Variants in OSTM1 observed in about 807,000 individuals in gnomAD.
The protein encoded by OSTM1 is osteopetrosis-associated transmembrane protein 1.
In OSTM1, 26 loss-of-function variants were observed where a neutral mutation model predicts 35.4. The ratio of observed to expected loss-of-function variants is 0.73; its 90% CI spans 0.54 to 1.02. OSTM1 has a LOEUF of 1.02. OSTM1 is among the 50% of genes least tolerant of loss of function. OSTM1 has a pLI of 0.00. For missense variants in OSTM1, 366 were observed against 409.6 expected, an observed-to-expected ratio of 0.89 and a Z score of 0.92; for synonymous variants, 181 against 165.0, an observed-to-expected ratio of 1.10 and a Z score of -0.75.
At position 108,054,496 on chromosome 6, in the gene OSTM1, G is replaced by A. The variant is rs1401922356; in HGVS notation, c.609C>T (p.Asn203=). Residue 203 remains asparagine (N), a synonymous_variant, in exon 3 of 6, where the codon AAC becomes AAT. Transcript: ENST00000193322. ...AATATTATATATAAAATACCTGAAG[G>A]TTATGTTCAAAGCAGGTCAGGGTGT... ...FNHTLTCFEH[N]LQGNAHSLLQ... is the part of the protein sequence containing the mutation. 1 of 1,428,636 alleles carries A rather than the reference G, an allele frequency of 7.0e-7. No individual in the cohort carries two copies. Among genetic ancestry groups the A allele is most frequent in the Non-Finnish European group, 9.8e-7 (1 of 1,016,516 alleles). 88.5% of individuals were successfully genotyped at this position (1,428,636 alleles called of 1,614,324 possible). A position where few individuals can be genotyped will look rare whatever the true frequency, so the allele number is the denominator to read the frequency against.
chr6:108,061,774 C>T (rs1178394316), intron 2 of OSTM1, among the ~76,000 whole-genome samples: 1 of 151,878 alleles, frequency 6.6e-6, no homozygotes, highest in African/African-American at 2.4e-5. Flanking sequence ...AACTCCTGGG[C>T]TCAAGCAATA....
chr6:108,066,660 G>A (rs1229098023), intron 1 of OSTM1, among the ~76,000 whole-genome samples: 6 of 152,152 alleles, frequency 3.9e-5, no homozygotes, highest in Non-Finnish European at 7.3e-5. Flanking sequence ...GGGTTGAACA[G>A]GGAATGGAAG....
intron 2 of OSTM1, 56 bp from the exon 3 acceptor site, chr6:108,054,643 G>A: frequency 1.2e-6 from 1 of 814,628 alleles, no homozygotes; most frequent in East Asian, 2.6e-5. Flanking sequence ...ATTCTATGTT[G>A]TCATTTATAT....
intron 1 of OSTM1, among the ~76,000 whole-genome samples, chr6:108,066,465 T>C (rs1351831925): frequency 6.6e-6 from 1 of 152,074 alleles, no homozygotes; most frequent in Non-Finnish European, 1.5e-5. Context: ...GAAGGAAGAA[T>C]TGGAGAGATA....
intron 1 of OSTM1, among the ~76,000 whole-genome samples, chr6:108,065,729 T>C (rs1429982557): frequency 6.6e-6 from 1 of 152,200 alleles, no homozygotes; most frequent in Non-Finnish European, 1.5e-5. Context: ...GTGACTGATA[T>C]ATGCTATTTC....
intron 3 of OSTM1, among the ~76,000 whole-genome samples, chr6:108,052,082 C>T (rs1772084122): frequency 6.6e-6 from 1 of 152,162 alleles, no homozygotes; most frequent in Non-Finnish European, 1.5e-5. Flanking sequence ...TCTCCTTAGT[C>T]TGCTACAAGA....
chr6:108,066,075 T>A lies in OSTM1; in HGVS notation c.403-1776A>T, dbSNP rs543489525. Among the ~76,000 whole-genome samples, 3 of 152,290 alleles carry A rather than the reference T, an allele frequency of 2.0e-5. No homozygotes were observed. The East Asian group carries it at 5.8e-4, about 29-fold the overall frequency. ...TATTCGGAGAGTATTCAGTAGTCTA[T>A]GAAAGTAGGGCTATTAAAGGGCTAA... On this transcript the variant is annotated intron_variant, in intron 1 of 5. Coordinates refer to ENST00000193322, the MANE Select transcript of OSTM1 (RefSeq NM_014028.4).
intron 1 of OSTM1, among the ~76,000 whole-genome samples, chr6:108,069,080 C>A (rs1772433480): frequency 6.6e-6 from 1 of 152,156 alleles, no homozygotes; most frequent in Non-Finnish European, 1.5e-5. Context: ...TCTACCTACC[C>A]CCCAGTCATA....
chr6:108,049,509 T>C, intron 4 of OSTM1, 91 bp from the exon 5 acceptor site: 1 of 1,580,856 alleles, frequency 6.3e-7, no homozygotes, highest in African/African-American at 1.4e-5. Flanking sequence ...AACAGGAATC[T>C]AGAATTTAGA....
At chr6:108,060,577 G>C (rs1332530789) in intron 2 of OSTM1, among the ~76,000 whole-genome samples, 1 of 151,952 alleles carries the variant, frequency 6.6e-6, no homozygotes, top group Non-Finnish European at 1.5e-5. Context: ...AATTGGCCAG[G>C]CATCCTCGTG....
intron 2 of OSTM1, among the ~76,000 whole-genome samples, chr6:108,056,507 C>A (rs62427448): frequency 0.23 from 35,379 of 152,138 alleles, 4,229 homozygotes; most frequent in Admixed American, 0.26. Flanking sequence ...CAGGCAGTCC[C>A]CACCAACTGA....
chr6:108,056,336 T>C (rs890833714), intron 2 of OSTM1, among the ~76,000 whole-genome samples: 1 of 152,232 alleles, frequency 6.6e-6, no homozygotes, highest in Non-Finnish European at 1.5e-5. Flanking sequence ...CTAGACTCTG[T>C]ACTCAGTCTG....
chr6:108,054,735 C>A, intron 2 of OSTM1, 148 bp from the exon 3 acceptor site: 1 of 447,254 alleles, frequency 2.2e-6, no homozygotes, highest in South Asian at 4.2e-5. Context: ...GAAGCTTACT[C>A]CTTTTATTTT....
At position 108,059,124 on chromosome 6, in the gene OSTM1, T is replaced by C. The variant is rs115225208; in HGVS notation, c.518-4537A>G. On this transcript the variant is annotated intron_variant, in intron 2 of 5. Coordinates refer to ENST00000193322, the MANE Select transcript of OSTM1 (RefSeq NM_014028.4). ...CCAAAGAACCAAAACACTAAAGCAG[T>C]CATGAACTCATCAAATCTGGTCATT... 4.4e-3 allele frequency among the ~76,000 whole-genome samples: 676 copies of C among 152,302 alleles called. 5 individuals are homozygous for C. Among genetic ancestry groups the C allele is most frequent in the African/African-American group, 0.016 (650 of 41,568 alleles).
At chr6:108,063,685 G>A (rs562704428) in intron 2 of OSTM1, among the ~76,000 whole-genome samples, 6 of 151,980 alleles carry the variant, frequency 3.9e-5, no homozygotes, top group African/African-American at 4.8e-5. Flanking sequence ...CCACCCCGCC[G>A]CCTGCCACAC....
intron 3 of OSTM1, among the ~76,000 whole-genome samples, chr6:108,053,485 A>G (rs1315504414): frequency 6.6e-6 from 1 of 152,198 alleles, no homozygotes; most frequent in Non-Finnish European, 1.5e-5. Context: ...CTGCAGAACA[A>G]ATTCTGAGAA....
intron 5 of OSTM1, among the ~76,000 whole-genome samples, chr6:108,048,387 T>C (rs1351345628): frequency 6.6e-6 from 1 of 152,224 alleles, no homozygotes; most frequent in African/African-American, 2.4e-5. Context: ...GAAGCCACTC[T>C]TCCTTAGCTG....
chr6:108,052,385 A>G (rs112187061), intron 3 of OSTM1, among the ~76,000 whole-genome samples: 1 of 150,812 alleles, frequency 6.6e-6, no homozygotes, highest in African/African-American at 2.4e-5. Context: ...GTGAGCCGAG[A>G]TCGCGCCACT....
intron 5 of OSTM1, among the ~76,000 whole-genome samples, chr6:108,046,777 C>G (rs1378390401): frequency 6.6e-6 from 1 of 152,176 alleles, no homozygotes; most frequent in Non-Finnish European, 1.5e-5. Context: ...ACTTCTTAAG[C>G]CTTCAGTAGA....
Sources: gnomAD v4.1 joint callset for allele counts (sites outside exome capture counted in the v4.1 genomes callset) on GRCh38, gnomAD v4.1.1 for gene constraint, MANE v1.5 for transcripts, NCBI Gene and HGNC (gene_info 2026-07-23, HGNC 2026-07-21) for gene names.